Variants in GPC3 observed in about 807,000 individuals in gnomAD.
GPC3 encodes glypican 3.
Under a neutral mutation model 34.4 loss-of-function variants are expected in GPC3, and 3 were observed. The ratio of observed to expected loss-of-function variants is 0.09; its 90% CI spans 0.04 to 0.23. GPC3 has a LOEUF of 0.23. Ranked by LOEUF, GPC3 falls within the 10% of genes least tolerant of loss-of-function variation. GPC3 has a pLI of 1.00. For synonymous variants in GPC3, 177 were observed against 174.0 expected, an observed-to-expected ratio of 1.02 and a Z score of -0.13; for missense variants, 351 against 445.6, an observed-to-expected ratio of 0.79 and a Z score of 1.91.
At chrX:133,773,571 T>C (rs2124496112) in intron 2 of GPC3, among the ~76,000 whole-genome samples, 1 of 111,871 alleles carries the variant, frequency 8.9e-6, no homozygotes, top group South Asian at 3.8e-4. Context: ...AGTCAGCTCT[T>C]GAACACTAGT....
chrX:133,600,838 G>T (rs780962815), intron 6 of GPC3, among the ~76,000 whole-genome samples: 1 of 111,751 alleles, frequency 8.9e-6, no homozygotes, highest in African/African-American at 3.2e-5. Flanking sequence ...AATTATGAGG[G>T]ACTTACACAC....
rs191749038 is a variant in GPC3, at chrX:133,897,044, C to T, written c.337+56006G>A. 5.7e-3 allele frequency among the ~76,000 whole-genome samples: 614 copies of T among 107,764 alleles called. 7 individuals carry two copies. Among genetic ancestry groups the T allele is most frequent in the South Asian group, 0.036 (85 of 2,345 alleles). 93.6% of individuals were successfully genotyped at this position (107,764 alleles called of 115,157 possible). ...GCCTCAGCCTCCCAAGTAGCTGGGACTACAGGCGCCCACAACCACGCCCAG... is the reference window on the plus strand; with the variant it reads ...GCCTCAGCCTCCCAAGTAGCTGGGATTACAGGCGCCCACAACCACGCCCAG... On this transcript the variant is annotated intron_variant, in intron 2 of 7. Coordinates refer to ENST00000370818, the MANE Select transcript of GPC3 (RefSeq NM_004484.4).
intron 6 of GPC3, among the ~76,000 whole-genome samples, chrX:133,624,779 G>A (rs1458394405): frequency 9.1e-6 from 1 of 110,399 alleles, no homozygotes; most frequent in Non-Finnish European, 1.9e-5. Flanking sequence ...CCAATCAACA[G>A]AAAAAGAGGG....
intron 2 of GPC3, among the ~76,000 whole-genome samples, chrX:133,807,719 G>A (rs1270292496): frequency 8.9e-6 from 1 of 112,332 alleles, no homozygotes; most frequent in Non-Finnish European, 1.9e-5. Context: ...ATGTGGCCAG[G>A]CACTGTGCTC....
chrX:133,798,441 C>T (rs868248904), intron 2 of GPC3, among the ~76,000 whole-genome samples: 17 of 111,855 alleles, frequency 1.5e-4, no homozygotes, highest in African/African-American at 5.5e-4. Flanking sequence ...TGCTAGATAC[C>T]GACACTGCTA....
At chrX:133,969,759 C>T (rs1303666266) in intron 1 of GPC3, among the ~76,000 whole-genome samples, 1 of 111,758 alleles carries the variant, frequency 8.9e-6, no homozygotes, top group African/African-American at 3.3e-5. Flanking sequence ...TATCTATTTA[C>T]CTTTATTTGG....
rs183188234 is a variant in GPC3 at position 133,647,090 on chromosome X, C to T, written c.1413+14640G>A. Among the ~76,000 whole-genome samples the T allele has an allele frequency of 2.4e-4, 27 of 111,871 alleles. 1 individual carries two copies. Among genetic ancestry groups the T allele is most frequent in the Admixed American group, 2.2e-3 (23 of 10,549 alleles). ...AACTTTTTTGATGGCGAAAAGAATC[C>T]CCCTACTTTCTTGCCTTCTCTCTGT... On this transcript the variant is annotated intron_variant, in intron 6 of 7. Transcript: ENST00000370818.
At position 133,789,971 on chromosome X, in the gene GPC3, C is replaced by T. The variant is rs754504628; in HGVS notation, c.338-35795G>A. ...GCTATCACTTATTTCTAAAACAGTGCTGATGCCAGATATGCAATGAAATGA... is the reference window on the plus strand; with the variant it reads ...GCTATCACTTATTTCTAAAACAGTGTTGATGCCAGATATGCAATGAAATGA... On this transcript the variant is annotated intron_variant, in intron 2 of 7. Transcript: ENST00000370818. Among the ~76,000 whole-genome samples the T allele has an allele frequency of 3.6e-5, 4 of 111,644 alleles. No homozygotes were observed. The South Asian group carries it at 1.5e-3, about 43-fold the overall frequency.
rs1026146191 is a variant in GPC3 at position 133,909,207 on chromosome X, A to T, written c.337+43843T>A. Reference sequence around the variant, plus strand: ...GTTCCTGTGGCCCTTCACTAAAAACATTTTCTTCCAGGTTGACATTGAATC... The same window carrying T: ...GTTCCTGTGGCCCTTCACTAAAAACTTTTTCTTCCAGGTTGACATTGAATC... On this transcript the variant is annotated intron_variant, in intron 2 of 7. Transcript: ENST00000370818. Among the ~76,000 whole-genome samples the T allele has an allele frequency of 3.7e-4, 42 of 112,218 alleles. 1 individual carries two copies. The highest frequency in any genetic ancestry group is 3.8e-5 in the Non-Finnish European group (2 of 53,305).
intron 2 of GPC3, among the ~76,000 whole-genome samples, chrX:133,781,010 T>C (rs1268148408): frequency 1.8e-5 from 2 of 112,116 alleles, no homozygotes; most frequent in Admixed American, 1.9e-4. Flanking sequence ...CACTAACTTA[T>C]TGAAAATTAT....
intron 2 of GPC3, among the ~76,000 whole-genome samples, chrX:133,889,634 T>A (rs1348208089): frequency 9.1e-6 from 1 of 110,309 alleles, no homozygotes; most frequent in Non-Finnish European, 1.9e-5. Flanking sequence ...TTTTCTATTT[T>A]TTTTTTTACT....
chrX:133,818,596 G>A (rs1426124927), intron 2 of GPC3, among the ~76,000 whole-genome samples: 1 of 111,591 alleles, frequency 9.0e-6, no homozygotes, highest in Non-Finnish European at 1.9e-5. Flanking sequence ...TGTTGTTATT[G>A]AACAACAGGT....
intron 6 of GPC3, among the ~76,000 whole-genome samples, chrX:133,656,975 A>C (rs781428204): frequency 5.4e-5 from 6 of 111,794 alleles, no homozygotes; most frequent in African/African-American, 1.9e-4. Context: ...ACACGGCTGG[A>C]AGGAATCTTA....
intron 2 of GPC3, among the ~76,000 whole-genome samples, chrX:133,920,374 G>T (rs903378731): frequency 9.0e-6 from 1 of 111,002 alleles, no homozygotes; most frequent in Non-Finnish European, 1.9e-5. Flanking sequence ...CTTTTTAAAA[G>T]TTCATATTCC....
chrX:133,829,766 GACAAAGTAGACT>G (rs753998145), intron 2 of GPC3, among the ~76,000 whole-genome samples: 8 of 111,649 alleles, frequency 7.2e-5, no homozygotes, highest in Non-Finnish European at 1.3e-4. Flanking sequence ...ATTAAAATCA[GACAAAGTAGACT>G]ACAGAGCAAA....
intron 3 of GPC3, among the ~76,000 whole-genome samples, chrX:133,705,006 A>G (rs1464553808): frequency 9.0e-6 from 1 of 111,283 alleles, no homozygotes; most frequent in Non-Finnish European, 1.9e-5. Context: ...AAAAATTCAG[A>G]TTTGATCTTT....
rs139483603 is a variant in GPC3, at chrX:133,966,954, C to T, written c.176-13743G>A. On this transcript the variant is annotated intron_variant, in intron 1 of 7. Transcript: ENST00000370818. ...TCCTCACTAATTCACCCTCCTTCTG[C>T]ATGTTACTAAAGTCTAGACTTGGTG... Among the ~76,000 whole-genome samples, 903 of 112,007 alleles carry T rather than the reference C, an allele frequency of 8.1e-3. 15 individuals carry two copies. Among genetic ancestry groups the T allele is most frequent in the African/African-American group, 0.028 (866 of 30,864 alleles).
chrX:133,747,728 C>T (rs1453289109), intron 3 of GPC3, among the ~76,000 whole-genome samples: 1 of 111,997 alleles, frequency 8.9e-6, no homozygotes, highest in Non-Finnish European at 1.9e-5. Flanking sequence ...TTTCCAGCTA[C>T]TCCCTCTGAT....
intron 6 of GPC3, among the ~76,000 whole-genome samples, chrX:133,622,547 C>T (rs1384263801): frequency 1.8e-5 from 2 of 111,555 alleles, no homozygotes; most frequent in Non-Finnish European, 3.8e-5. Context: ...GTAGCCGATT[C>T]GATCAACTGG....
Sources: gnomAD v4.1 joint callset for allele counts (sites outside exome capture counted in the v4.1 genomes callset) on GRCh38, gnomAD v4.1.1 for gene constraint, MANE v1.5 for transcripts, NCBI Gene and HGNC (gene_info 2026-07-23, HGNC 2026-07-21) for gene names.